Variants in IQCH observed in about 807,000 individuals in gnomAD.
The protein encoded by IQCH is IQ motif containing H, also known as IQ domain-containing protein H.
In IQCH, 98 loss-of-function variants were observed where a neutral mutation model predicts 117.0. The ratio of observed to expected loss-of-function variants is 0.84; its 90% CI spans 0.71 to 0.99. The LOEUF (loss-of-function observed/expected upper bound fraction) is 0.99, where lower values mean the gene tolerates loss of function less well. Among genes scored for constraint, IQCH ranks in the 50% least tolerant of loss-of-function variants. IQCH has a pLI of 0.00. For synonymous variants in IQCH, 412 were observed against 448.2 expected, an observed-to-expected ratio of 0.92 and a Z score of 1.02; for missense variants, 1,102 against 1,243.8, an observed-to-expected ratio of 0.89 and a Z score of 1.72.
chr15:67,493,318 C>A lies in IQCH; in HGVS notation c.2862-940C>A, dbSNP rs534558714. Among the ~76,000 whole-genome samples, 4 of 152,276 alleles carry A rather than the reference C, an allele frequency of 2.6e-5. No individual in the cohort carries two copies. Among genetic ancestry groups the A allele is most frequent in the Admixed American group, 2.6e-4 (4 of 15,304 alleles). Reference sequence around the variant, plus strand: ...ACAGTAGGTGGTCTGTCTCCTGATCCTGAACTTGGTGTTCCTTTCACTATA... The same window carrying A: ...ACAGTAGGTGGTCTGTCTCCTGATCATGAACTTGGTGTTCCTTTCACTATA... On this transcript the variant is annotated intron_variant, in intron 19 of 20. Coordinates refer to ENST00000335894, the MANE Select transcript of IQCH (RefSeq NM_001031715.3). The surrounding 1 kb of genome is among the most constrained non-coding windows in gnomAD (Gnocchi z 5.1).
intron 6 of IQCH, among the ~76,000 whole-genome samples, chr15:67,355,173 A>G (rs1411241857): frequency 6.6e-6 from 1 of 152,244 alleles, no homozygotes; most frequent in Non-Finnish European, 1.5e-5. Context: ...GAGACATACT[A>G]AAAACTTATT....
At chr15:67,495,345 T>A (rs573526089) in intron 20 of IQCH, among the ~76,000 whole-genome samples, 1 of 152,316 alleles carries the variant, frequency 6.6e-6, no homozygotes, top group East Asian at 1.9e-4. Context: ...AAAGGATCTA[T>A]GCTCATTATT....
chr15:67,479,381 T>C lies in IQCH; in HGVS notation c.2799+3563T>C, dbSNP rs947461358. ...ACAAAGTCAAGCATGATTCTTCGTC[T>C]TACACAAGGTGTCCCCTATATAAGC... On this transcript the variant is annotated intron_variant, in intron 18 of 20. Transcript: ENST00000335894. The surrounding 1 kb of genome is among the most constrained non-coding windows in gnomAD (Gnocchi z 4.6). Among the ~76,000 whole-genome samples the C allele has an allele frequency of 7.2e-5, 11 of 152,218 alleles. No homozygotes were observed. The highest frequency in any genetic ancestry group is 2.7e-4 in the African/African-American group (11 of 41,454).
At chr15:67,442,179 G>A (rs1376300374) in intron 16 of IQCH, among the ~76,000 whole-genome samples, 7 of 152,194 alleles carry the variant, frequency 4.6e-5, no homozygotes, top group Admixed American at 4.6e-4. Flanking sequence ...GGGAGGCCAA[G>A]GTGGTCAGGT....
chr15:67,285,308 T>C (rs1177995776), intron 4 of IQCH, among the ~76,000 whole-genome samples: 1 of 152,168 alleles, frequency 6.6e-6, no homozygotes, highest in East Asian at 1.9e-4. Flanking sequence ...TGTTTTTTTT[T>C]TCTCAGAAAT....
chr15:67,443,236 C>T lies in IQCH; in HGVS notation c.2505+21659C>T, dbSNP rs914849218. ...CTCGATCTCCTGAACTCGTCATCCA[C>T]CCGCCTCGGCCTCCCAAAGTGCTGG... is the stretch of plus-strand genomic sequence containing the variant. On this transcript the variant is annotated intron_variant, in intron 16 of 20. Transcript: ENST00000335894. This position sits in a 1 kb window ranked among gnomAD's most constrained non-coding sequence, Gnocchi z 5.0. Among the ~76,000 whole-genome samples the T allele has an allele frequency of 6.6e-6, 1 of 152,204 alleles. No homozygotes were observed. The highest frequency in any genetic ancestry group is 6.5e-5 in the Admixed American group (1 of 15,268).
In IQCH at chr15:67,424,174, A is replaced by C. The variant is rs183615450; in HGVS notation, c.2505+2597A>C. Reference sequence around the variant, plus strand: ...CTCTGTTTTGTTCTGGTCCATCCACACACCCTGTCTCATTCCCTCTTACTC... The same window carrying C: ...CTCTGTTTTGTTCTGGTCCATCCACCCACCCTGTCTCATTCCCTCTTACTC... On this transcript the variant is annotated intron_variant, in intron 16 of 20. Transcript: ENST00000335894. The surrounding 1 kb of genome is among the most constrained non-coding windows in gnomAD (Gnocchi z 4.9). Among the ~76,000 whole-genome samples the C allele has an allele frequency of 5.9e-5, 9 of 152,124 alleles. No homozygotes were observed. In the East Asian group the frequency reaches 1.7e-3, roughly 29 times the overall value.
At chr15:67,402,752 T>C (rs1263163914) in intron 14 of IQCH, among the ~76,000 whole-genome samples, 3 of 152,232 alleles carry the variant, frequency 2.0e-5, no homozygotes, top group African/African-American at 7.2e-5. Flanking sequence ...AAGCACTAAA[T>C]TATGTTAATA....
intron 18 of IQCH, among the ~76,000 whole-genome samples, chr15:67,482,398 GTTTTTTTTCT>G (rs1242026484): frequency 6.6e-6 from 1 of 151,832 alleles, no homozygotes; most frequent in Non-Finnish European, 1.5e-5. Context: ...AGATAATTTT[GTTTTTTTTCT>G]TTATAGTTCA....
At chr15:67,349,312 A>C (rs1358723468) in intron 6 of IQCH, among the ~76,000 whole-genome samples, 1 of 152,208 alleles carries the variant, frequency 6.6e-6, no homozygotes, top group African/African-American at 2.4e-5. Flanking sequence ...CAGTGTTAAG[A>C]AAATGAAAAG....
At chr15:67,317,811 CA>C (rs1430910900) in intron 4 of IQCH, among the ~76,000 whole-genome samples, 1 of 138,304 alleles carries the variant, frequency 7.2e-6, no homozygotes, top group Admixed American at 7.4e-5. Context: ...AGTGACAGGG[CA>C]GGGAGGGTCT....
At position 67,453,888 on chromosome 15, in the gene IQCH, G is replaced by A. The variant is rs185633078; in HGVS notation, c.2506-11239G>A. Among the ~76,000 whole-genome samples, 11 of 152,316 alleles carry A rather than the reference G, an allele frequency of 7.2e-5. No individual in the cohort carries two copies. The highest frequency in any genetic ancestry group is 1.0e-4 in the Non-Finnish European group (7 of 68,028). On this transcript the variant is annotated intron_variant, in intron 16 of 20. Transcript: ENST00000335894. The surrounding 1 kb of genome is among the most constrained non-coding windows in gnomAD (Gnocchi z 5.8). Reference sequence around the variant, plus strand: ...GGGCTCCACCCAGTTCAAGCTTCCCGGCCGCTTTGTTTACGTAATCAAACA... The same window carrying A: ...GGGCTCCACCCAGTTCAAGCTTCCCAGCCGCTTTGTTTACGTAATCAAACA...
At chr15:67,350,947 G>T (rs1417835646) in intron 6 of IQCH, among the ~76,000 whole-genome samples, 1 of 152,186 alleles carries the variant, frequency 6.6e-6, no homozygotes, top group East Asian at 1.9e-4. Flanking sequence ...ATTCTAAGGA[G>T]ATGGCCTGTA....
intron 5 of IQCH, among the ~76,000 whole-genome samples, chr15:67,340,458 A>AAAAAAAAAAAAAT: frequency 7.0e-6 from 1 of 141,854 alleles, no homozygotes; most frequent in Non-Finnish European, 1.5e-5. Flanking sequence ...AAAAAAAAAA[A>AAAAAAAAAAAAAT]AAAAAACAGT....
At position 67,405,069 on chromosome 15, in the gene IQCH, A is replaced by G. The variant is rs1353639100; in HGVS notation, c.2097+4764A>G. 1.3e-5 allele frequency: 2 copies of G among 152,082 alleles called. No individual in the cohort carries two copies. Among genetic ancestry groups the G allele is most frequent in the East Asian group, 3.9e-4 (2 of 5,192 alleles). 9.4% of individuals were successfully genotyped at this position (152,082 alleles called of 1,614,324 possible). A position where few individuals can be genotyped will look rare whatever the true frequency, so the allele number is the denominator to read the frequency against. ...TTTAGATATAAGAATCCAGCTTCTC[A>G]TTGCTATTATTTGATTACTAGCAAG... On this transcript the variant is annotated intron_variant, in intron 14 of 20. Transcript: ENST00000335894. The surrounding 1 kb of genome is among the most constrained non-coding windows in gnomAD (Gnocchi z 4.8).
chr15:67,465,433 A>G lies in IQCH; in HGVS notation c.2676+136A>G. ...TAAGGCAAGTCATTGGACTTGTCTG[A>G]GCAGGGTCTGGAAATGCGAATGTGT... is the stretch of plus-strand genomic sequence containing the variant. On this transcript the variant is annotated intron_variant, in intron 17 of 20. Transcript: ENST00000335894. This position sits in a 1 kb window ranked among gnomAD's most constrained non-coding sequence, Gnocchi z 5.9. The G allele has an allele frequency of 1.2e-6, 1 of 851,892 alleles. No individual in the cohort carries two copies. The allele number at this position is 851,892 out of a possible 1,614,324, so 52.8% of individuals were successfully genotyped here.
chr15:67,351,899 AT>A (rs1448294274), intron 6 of IQCH, among the ~76,000 whole-genome samples: 1 of 152,026 alleles, frequency 6.6e-6, no homozygotes, highest in Non-Finnish European at 1.5e-5. Context: ...ATATAGCTGA[AT>A]TTAAAAAAAA....
intron 3 of IQCH, 105 bp downstream of exon 3, chr15:67,263,321 T>C (rs1965535936): frequency 1.6e-6 from 1 of 643,546 alleles, no homozygotes; most frequent in Non-Finnish European, 2.8e-6. Flanking sequence ...TTCTTGGCTT[T>C]CTTAACATCC....
At chr15:67,344,287 A>C in intron 6 of IQCH, 96 bp downstream of exon 6, 5 of 1,022,524 alleles carry the variant, frequency 4.9e-6, no homozygotes, top group Non-Finnish European at 7.1e-6. Context: ...GTCCTCAATA[A>C]TAGGACAAGA....
Sources: gnomAD v4.1 joint callset for allele counts (sites outside exome capture counted in the v4.1 genomes callset) on GRCh38, gnomAD v4.1.1 for gene constraint, Gnocchi (gnomAD v3.1) non-coding constraint, MANE v1.5 for transcripts, NCBI Gene and HGNC (gene_info 2026-07-23, HGNC 2026-07-21) for gene names.